Variants in RYR3 observed in about 807,000 individuals in gnomAD.
The protein encoded by RYR3 is ryanodine receptor 3.
Under a neutral mutation model 584.3 loss-of-function variants are expected in RYR3, and 207 were observed. The ratio of observed to expected loss-of-function variants is 0.35; its 90% CI spans 0.32 to 0.40. The LOEUF (loss-of-function observed/expected upper bound fraction) is 0.40. RYR3 is among the 10% of genes least tolerant of loss of function. RYR3 has a pLI of 1.00. For missense variants in RYR3, 5,616 were observed against 6,089.2 expected, an observed-to-expected ratio of 0.92 and a Z score of 2.59; for synonymous variants, 2,416 against 2,248.5, an observed-to-expected ratio of 1.07 and a Z score of -2.11.
Position 33,499,722 on chromosome 15 carries a change from G to A in RYR3, c.172-3909G>A, listed in dbSNP as rs115703032. On this transcript the variant is annotated intron_variant, in intron 2 of 103. Coordinates refer to ENST00000634891, the MANE Select transcript of RYR3 (RefSeq NM_001036.6). The stretch of plus-strand genomic sequence containing the variant: ...TACAGATAAGGAAACAAAGGCATGT[G>A]TAACAGAAACTAAGTTACCTGCATA... 2.3e-3 allele frequency among the ~76,000 whole-genome samples: 354 copies of A among 152,308 alleles called. 1 individual carries two copies. The highest frequency in any genetic ancestry group is 8.1e-3 in the African/African-American group (337 of 41,564).
chr15:33,773,760 C>T (rs2073794077), intron 64 of RYR3, 145 bp downstream of exon 64: 2 of 658,848 alleles, frequency 3.0e-6, no homozygotes, highest in Non-Finnish European at 5.5e-6. Context: ...TTGTTTATGA[C>T]ATGCTTTTGG....
chr15:33,400,834 A>G (rs1409688092), intron 1 of RYR3, among the ~76,000 whole-genome samples: 1 of 151,992 alleles, frequency 6.6e-6, no homozygotes, highest in Non-Finnish European at 1.5e-5. Flanking sequence ...CAAGAAAAAC[A>G]CTCTGAACCT....
intron 1 of RYR3, among the ~76,000 whole-genome samples, chr15:33,315,331 A>G (rs1968008749): frequency 6.6e-6 from 1 of 152,184 alleles, no homozygotes; most frequent in African/African-American, 2.4e-5. Flanking sequence ...TAACAGCTGC[A>G]TGAAGCCTGT....
intron 38 of RYR3, among the ~76,000 whole-genome samples, chr15:33,671,270 A>G (rs2063820939): frequency 6.6e-6 from 1 of 152,192 alleles, no homozygotes; most frequent in South Asian, 2.1e-4. Context: ...ACTCCTTGGT[A>G]CAGATTCAGC....
At chr15:33,572,112 A>G (rs1273908863) in intron 12 of RYR3, among the ~76,000 whole-genome samples, 3 of 152,306 alleles carry the variant, frequency 2.0e-5, no homozygotes, top group African/African-American at 4.8e-5. Flanking sequence ...ATATTGCCAC[A>G]TATATTATAT....
intron 97 of RYR3, 32 bp from the exon 98 acceptor site, chr15:33,854,734 A>G (rs2079467806): frequency 3.2e-6 from 5 of 1,578,980 alleles, no homozygotes; most frequent in South Asian, 2.4e-5. Context: ...TGAGGCAAAC[A>G]TGCTTAAAAG....
intron 3 of RYR3, among the ~76,000 whole-genome samples, chr15:33,507,159 T>A (rs1470297052): frequency 6.6e-6 from 1 of 152,242 alleles, no homozygotes. Flanking sequence ...TTTTTAAAAA[T>A]GACTTCAGCT....
At chr15:33,629,286 GC>G (rs1225826020) in intron 21 of RYR3, among the ~76,000 whole-genome samples, 1 of 152,196 alleles carries the variant, frequency 6.6e-6, no homozygotes, top group East Asian at 1.9e-4. Flanking sequence ...CTAATACAAA[GC>G]CCCGAGTCAC....
In RYR3 at chr15:33,788,137, G is replaced by A. The variant is rs2074857522; in HGVS notation, c.9590-81G>A. The A allele has an allele frequency of 1.9e-6, 3 of 1,567,072 alleles. No individual in the cohort carries two copies. The Admixed American group carries it at 5.1e-5, about 26-fold the overall frequency. On this transcript the variant is annotated intron_variant, in intron 66 of 103. Coordinates refer to ENST00000634891, the MANE Select transcript of RYR3 (RefSeq NM_001036.6). ...CATCCTGAGTCGATGGGATTCCACG[G>A]CCTCACCTTTCAGTCATGTCTTTCA...
intron 1 of RYR3, among the ~76,000 whole-genome samples, chr15:33,434,907 T>C (rs1051133587): frequency 6.6e-6 from 1 of 152,168 alleles, no homozygotes; most frequent in Non-Finnish European, 1.5e-5. Flanking sequence ...AAGCTCCACC[T>C]CCCGGGTTCA....
At chr15:33,343,745 C>T (rs1413449440) in intron 1 of RYR3, among the ~76,000 whole-genome samples, 5 of 152,118 alleles carry the variant, frequency 3.3e-5, no homozygotes, top group Admixed American at 6.6e-5. Context: ...TCAATTTTTC[C>T]GATGAGTCAA....
At chr15:33,800,184 T>G (rs2075846919) in intron 67 of RYR3, among the ~76,000 whole-genome samples, 1 of 152,192 alleles carries the variant, frequency 6.6e-6, no homozygotes, top group Admixed American at 6.5e-5. Context: ...AGGGCATAGA[T>G]GAAGATAATT....
At chr15:33,795,669 C>T (rs7176913) in intron 67 of RYR3, among the ~76,000 whole-genome samples, 1 of 152,094 alleles carries the variant, frequency 6.6e-6, no homozygotes, top group African/African-American at 2.4e-5. Flanking sequence ...GCTGAGATTA[C>T]AGGTATGCAC....
At chr15:33,651,106 A>G (rs1282386376) in intron 31 of RYR3, among the ~76,000 whole-genome samples, 1 of 152,224 alleles carries the variant, frequency 6.6e-6, no homozygotes, top group African/African-American at 2.4e-5. Flanking sequence ...TACTGTGAAC[A>G]TTAACTGACA....
chr15:33,826,020 CCACCGCA>C (rs1435651376), intron 82 of RYR3, among the ~76,000 whole-genome samples: 12 of 152,120 alleles, frequency 7.9e-5, no homozygotes, highest in Admixed American at 1.3e-4. Flanking sequence ...CAGGCGTGAG[CCACCGCA>C]CCTGGCCATT....
chr15:33,818,751 TTC>T (rs2076953732), intron 76 of RYR3, 67 bp downstream of exon 76: 4 of 1,156,668 alleles, frequency 3.5e-6, no homozygotes, highest in Non-Finnish European at 5.1e-6. Context: ...CCTGACCTTC[TTC>T]TCTCAGACGG....
Position 33,463,066 on chromosome 15 carries a change from C to T in RYR3, c.52-10353C>T, listed in dbSNP as rs144863617. Among the ~76,000 whole-genome samples, 300 of 151,682 alleles carry T rather than the reference C, an allele frequency of 2.0e-3. 7 individuals carry two copies. In the East Asian group the frequency reaches 0.045, roughly 23 times the overall value. On this transcript the variant is annotated intron_variant, in intron 1 of 103. Coordinates refer to ENST00000634891, the MANE Select transcript of RYR3 (RefSeq NM_001036.6). ...CCTGTAGTCCCAGCTACTCAGCAGG[C>T]GGTGGGAGGATTGCTTGAGCCCAGG...
chr15:33,842,447 C>G (rs2078431222), intron 91 of RYR3, among the ~76,000 whole-genome samples: 1 of 152,250 alleles, frequency 6.6e-6, no homozygotes, highest in African/African-American at 2.4e-5. Flanking sequence ...TCCTCCAAAC[C>G]TTGATTGTTC....
At chr15:33,342,862 C>G (rs1480939993) in intron 1 of RYR3, among the ~76,000 whole-genome samples, 1 of 152,064 alleles carries the variant, frequency 6.6e-6, no homozygotes, top group Non-Finnish European at 1.5e-5. Context: ...GAACTGTGTC[C>G]CCTAGATCCT....
Sources: gnomAD v4.1 joint callset for allele counts (sites outside exome capture counted in the v4.1 genomes callset) on GRCh38, gnomAD v4.1.1 for gene constraint, MANE v1.5 for transcripts, NCBI Gene and HGNC (gene_info 2026-07-23, HGNC 2026-07-21) for gene names.